The following RBFOX1 variants were observed in gnomAD, a reference collection of about 807,000 sequenced individuals.
RBFOX1 encodes RNA binding protein fox-1 homolog 1.
A neutral mutation model predicts 57.7 loss-of-function variants in RBFOX1; 8 were observed. The ratio of observed to expected loss-of-function variants is 0.14; its 90% CI spans 0.08 to 0.25. The LOEUF (loss-of-function observed/expected upper bound fraction) is 0.25, where lower values mean the gene tolerates loss of function less well. Ranked by LOEUF, RBFOX1 falls within the 10% of genes least tolerant of loss-of-function variation. The pLI is 1.00. For synonymous variants in RBFOX1, 326 were observed against 222.4 expected (o/e 1.47, Z -4.15); for missense variants, 611 against 548.5 (o/e 1.11, Z -1.14).
intron 3 of RBFOX1, among the ~76,000 whole-genome samples, chr16:6,745,269 A>G (rs1047719829): frequency 6.6e-6 from 1 of 152,144 alleles, no homozygotes; most frequent in Non-Finnish European, 1.5e-5. Context: ...GAAAATGGAA[A>G]AGGAAGTTAC....
At chr16:7,187,690 C>CAAAAA (rs536529201) in intron 4 of RBFOX1, among the ~76,000 whole-genome samples, 12 of 72,564 alleles carry the variant, frequency 1.7e-4, no homozygotes, top group Admixed American at 2.3e-4. Flanking sequence ...CTCTGTCTCA[C>CAAAAA]AAAAAAAAAA....
At chr16:6,309,899 G>T (rs544632329) in intron 1 of RBFOX1, among the ~76,000 whole-genome samples, 1 of 152,352 alleles carries the variant, frequency 6.6e-6, no homozygotes, top group Admixed American at 6.5e-5. Context: ...GACTTTAGTA[G>T]TAGTAGTAGC....
intron 3 of RBFOX1, among the ~76,000 whole-genome samples, chr16:5,634,534 A>C (rs952592563): frequency 2.0e-5 from 3 of 152,264 alleles, no homozygotes; most frequent in African/African-American, 7.2e-5. Flanking sequence ...AGTGTGATTA[A>C]GGATACATAT....
Position 5,448,889 on chromosome 16 carries a change from C to T in RBFOX1, c.220-18327C>T, listed in dbSNP as rs1378543884. 2.6e-5 allele frequency among the ~76,000 whole-genome samples: 4 copies of T among 152,076 alleles called. No individual in the cohort carries two copies. The East Asian group carries it at 5.8e-4, about 22-fold the overall frequency. On this transcript the variant is annotated intron_variant, in intron 1 of 2. Transcript: ENST00000585867. Reference sequence around the variant, plus strand: ...TTTTATTCCTAAAGCTGGCATGATCCGCCTGCTACCTGCCTCTTCAGCTTG... The same window carrying T: ...TTTTATTCCTAAAGCTGGCATGATCTGCCTGCTACCTGCCTCTTCAGCTTG...
intron 4 of RBFOX1, among the ~76,000 whole-genome samples, chr16:7,125,822 C>A (rs745900733): frequency 6.6e-6 from 1 of 152,166 alleles, no homozygotes; most frequent in Non-Finnish European, 1.5e-5. Flanking sequence ...GTGCCTCACA[C>A]CTGTAATCCC....
At chr16:6,111,787 C>G (rs915915272) in intron 1 of RBFOX1, among the ~76,000 whole-genome samples, 7 of 152,134 alleles carry the variant, frequency 4.6e-5, no homozygotes, top group Admixed American at 1.3e-4. Context: ...GTCAGAAATT[C>G]AGACATACAT....
At chr16:5,881,727 A>G (rs1453727711) in intron 4 of RBFOX1, among the ~76,000 whole-genome samples, 1 of 152,100 alleles carries the variant, frequency 6.6e-6, no homozygotes, top group Non-Finnish European at 1.5e-5. Context: ...TAAAGGCTAA[A>G]ATTTTCCCCC....
chr16:7,186,787 C>G (rs963930819), intron 4 of RBFOX1, among the ~76,000 whole-genome samples: 1 of 150,800 alleles, frequency 6.6e-6, no homozygotes, highest in Non-Finnish European at 1.5e-5. Flanking sequence ...TTAAATCTAT[C>G]CTGCCATCAA....
intron 1 of RBFOX1, among the ~76,000 whole-genome samples, chr16:5,321,234 T>A (rs569450988): frequency 6.6e-6 from 1 of 152,280 alleles, no homozygotes; most frequent in East Asian, 1.9e-4. Flanking sequence ...TCTCCAGACG[T>A]TGAATGTCTC....
chr16:5,590,132 TTTTATGACTTAC>T (rs1176627423), intron 2 of RBFOX1, among the ~76,000 whole-genome samples: 13 of 152,234 alleles, frequency 8.5e-5, no homozygotes, highest in Non-Finnish European at 1.6e-4. Context: ...GATTTCTTTA[TTTTATGACTTAC>T]TGAGAGGAGA....
At chr16:6,500,987 C>T (rs1270748574) in intron 2 of RBFOX1, among the ~76,000 whole-genome samples, 2 of 149,942 alleles carry the variant, frequency 1.3e-5, no homozygotes, top group African/African-American at 4.9e-5. Flanking sequence ...TCCTATCCTT[C>T]CTGGCAGAGC....
Position 7,198,164 on chromosome 16 carries a change from G to A in RBFOX1, c.27+146066G>A, listed in dbSNP as rs145258905. The stretch of plus-strand genomic sequence containing the variant: ...GGGACTACAGGCACCCGCCACCACA[G>A]CTGGCTAATCTTTTGTATTTTTAGT... On this transcript the variant is annotated intron_variant, in intron 4 of 15. Transcript: ENST00000550418. Among the ~76,000 whole-genome samples the A allele has an allele frequency of 4.3e-3, 653 of 151,962 alleles. 3 individuals carry two copies. Among genetic ancestry groups the A allele is most frequent in the Non-Finnish European group, 7.6e-3 (516 of 67,948 alleles).
chr16:6,923,669 C>T (rs1042124570), intron 3 of RBFOX1, among the ~76,000 whole-genome samples: 2 of 152,056 alleles, frequency 1.3e-5, no homozygotes, highest in Non-Finnish European at 2.9e-5. Flanking sequence ...ACCCACACAC[C>T]CTTTACTCTT....
intron 3 of RBFOX1, among the ~76,000 whole-genome samples, chr16:5,605,501 A>G (rs2047540133): frequency 6.6e-6 from 1 of 151,892 alleles, no homozygotes; most frequent in Non-Finnish European, 1.5e-5. Context: ...ACTGATGATT[A>G]ATGATTAATG....
At chr16:6,638,204 A>C (rs1309775925) in intron 2 of RBFOX1, among the ~76,000 whole-genome samples, 1 of 152,160 alleles carries the variant, frequency 6.6e-6, no homozygotes, top group African/African-American at 2.4e-5. Flanking sequence ...TTCTGAAAGG[A>C]AACTTGGCAT....
chr16:5,895,295 C>T (rs1018182565), intron 4 of RBFOX1, among the ~76,000 whole-genome samples: 1 of 152,138 alleles, frequency 6.6e-6, no homozygotes, highest in Admixed American at 6.5e-5. Context: ...TTAATACAAG[C>T]TTAGAACTTG....
intron 1 of RBFOX1, among the ~76,000 whole-genome samples, chr16:5,447,893 T>G (rs2068299294): frequency 6.6e-6 from 1 of 152,212 alleles, no homozygotes; most frequent in Non-Finnish European, 1.5e-5. Flanking sequence ...TCATTTCAGG[T>G]GGCCTCCATG....
At chr16:5,483,424 T>C (rs1035301259) in intron 2 of RBFOX1, among the ~76,000 whole-genome samples, 37 of 152,178 alleles carry the variant, frequency 2.4e-4, no homozygotes, top group African/African-American at 8.7e-4. Flanking sequence ...AGGCATTTTT[T>C]CCCCATCTGT....
chr16:7,652,512 A>T (rs1419550013), intron 11 of RBFOX1, among the ~76,000 whole-genome samples: 1 of 152,168 alleles, frequency 6.6e-6, no homozygotes, highest in Non-Finnish European at 1.5e-5. Flanking sequence ...GGTTCAAGCA[A>T]TTCTCCTGCC....
Sources: allele counts gnomAD v4.1 joint callset (sites outside exome capture counted in the v4.1 genomes callset), GRCh38; gene constraint gnomAD v4.1.1; transcripts MANE v1.5; gene names NCBI Gene and HGNC (gene_info 2026-07-23, HGNC 2026-07-21).